UBQLN1: variants seen among roughly 807,000 people sequenced by gnomAD.
UBQLN1 encodes ubiquilin-1.
UBQLN1 carries 13 observed loss-of-function variants against 65.4 expected under a neutral mutation model. That is an observed-to-expected ratio of 0.20 (90% CI 0.13 to 0.32). The LOEUF is 0.32. UBQLN1 is among the 10% of genes least tolerant of loss of function. UBQLN1 has a pLI of 1.00. For synonymous variants in UBQLN1, 267 were observed against 247.8 expected, an observed-to-expected ratio of 1.08 and a Z score of -0.73; for missense variants, 561 against 724.0, an observed-to-expected ratio of 0.77 and a Z score of 2.58.
intron 1 of UBQLN1, among the ~76,000 whole-genome samples, chr9:83,695,201 CT>C (rs36072668): frequency 0.32 from 42,054 of 133,084 alleles, 5,672 homozygotes; most frequent in Middle Eastern, 0.47. Flanking sequence ...GCCCTCCCAC[CT>C]TTTTTTTTTT....
At chr9:83,706,204 C>T (rs1832403138) in intron 1 of UBQLN1, among the ~76,000 whole-genome samples, 1 of 152,188 alleles carries the variant, frequency 6.6e-6, no homozygotes, top group Non-Finnish European at 1.5e-5. Context: ...GTGTCATCTA[C>T]TGATACGTGC....
chr9:83,694,121 A>G (rs968856611), intron 1 of UBQLN1, among the ~76,000 whole-genome samples: 1 of 152,210 alleles, frequency 6.6e-6, no homozygotes, highest in Non-Finnish European at 1.5e-5. Context: ...TTAAACAACC[A>G]TTCTCCATCT....
chr9:83,680,173 A>C, intron 3 of UBQLN1, 136 bp from the exon 4 acceptor site: 1 of 962,762 alleles, frequency 1.0e-6, no homozygotes, highest in Non-Finnish European at 1.5e-6. Flanking sequence ...AAACAAATCG[A>C]ATACCTATTA....
At position 83,680,035 on chromosome 9, in the gene UBQLN1, C is replaced by T; in HGVS notation, c.451G>A (p.Gly151Ser). The T allele has an allele frequency of 1.2e-6, 2 of 1,609,648 alleles. No homozygotes were observed. The highest frequency in any genetic ancestry group is 1.3e-5 in the African/African-American group (1 of 74,934). ...SATSNPFGLG[G>S]LGGLAGLSSL... ...CTCAGACCTGCAAGTCCCCCAAGGC[C>T]ACCTAAGAGGATAAAGGGCAAAAAC... The change falls in exon 4 of 11, where the codon GGC becomes AGC. Residue 151 changes from glycine (G) to serine (S), a missense_variant and splice_region_variant. Around this residue, in one of 8 missense-constraint regions of UBQLN1, gnomAD observed 87 missense variants for 88.8 expected, o/e 0.98. Transcript: ENST00000376395.
At chr9:83,705,259 A>G (rs991601141) in intron 1 of UBQLN1, among the ~76,000 whole-genome samples, 41 of 27,240 alleles carry the variant, frequency 1.5e-3, no homozygotes, top group Non-Finnish European at 2.4e-3. Context: ...TTTTTTTTTG[A>G]AACGGAGTTT....
chr9:83,687,652 T>TA lies in UBQLN1; in HGVS notation c.181-1498dup, dbSNP rs572193396. On this transcript the variant is annotated intron_variant, in intron 1 of 10. Transcript: ENST00000376395. ...GGGGACAAGGAAGGGAAGGCATATA[T>TA]AAAAAACATGATAAGCTATATATCA... is the stretch of plus-strand genomic sequence containing the variant. 3.6e-3 allele frequency among the ~76,000 whole-genome samples: 548 copies of TA among 152,244 alleles called. 2 individuals carry two copies. The highest frequency in any genetic ancestry group is 0.012 in the African/African-American group (502 of 41,554).
At chr9:83,674,653 C>T (rs1346556923) in intron 6 of UBQLN1, among the ~76,000 whole-genome samples, 1 of 152,142 alleles carries the variant, frequency 6.6e-6, no homozygotes, top group Non-Finnish European at 1.5e-5. Context: ...CAGTTTTTCT[C>T]AGAGTTAAGG....
rs943982656 is a variant in UBQLN1, at chr9:83,707,803, G to A, written c.-124C>T. On this transcript the variant is annotated 5_prime_UTR_variant, in exon 1 of 11. Transcript: ENST00000376395. ...GAAGAATGCAGAGCACGCCGCCTCAGTAGCAACGGGCGCAGGGCCACCGTA... is the reference window on the plus strand; with the variant it reads ...GAAGAATGCAGAGCACGCCGCCTCAATAGCAACGGGCGCAGGGCCACCGTA... The A allele has an allele frequency of 4.5e-6, 6 of 1,347,524 alleles. No individual in the cohort carries two copies. In the African/African-American group the frequency reaches 9.3e-5, roughly 21 times the overall value. 83.5% of individuals were successfully genotyped at this position (1,347,524 alleles called of 1,614,324 possible).
At chr9:83,662,273 TACACACACACACACAC>T (rs370539805) in intron 10 of UBQLN1, among the ~76,000 whole-genome samples, 40 of 143,436 alleles carry the variant, frequency 2.8e-4, no homozygotes, top group Admixed American at 6.9e-4. Context: ...CATATACATA[TACACACACACACACAC>T]ACACACACAC....
Position 83,660,145 on chromosome 9 carries a change from T to C in UBQLN1, c.*1642A>G, listed in dbSNP as rs1159288497. The C allele has an allele frequency of 2.0e-5, 3 of 152,528 alleles. No homozygotes were observed. Among genetic ancestry groups the C allele is most frequent in the Admixed American group, 1.3e-4 (2 of 15,286 alleles). The allele number at this position is 152,528 out of a possible 1,614,324, so 9.4% of individuals were successfully genotyped here. A position where few individuals can be genotyped will look rare whatever the true frequency, so the allele number is the denominator to read the frequency against. On this transcript the variant is annotated 3_prime_UTR_variant, in exon 11 of 11. Coordinates refer to ENST00000376395, the MANE Select transcript of UBQLN1 (RefSeq NM_013438.5). Reference sequence around the variant, plus strand: ...CCTTCTTAACAATCTCTTCTACTTATGCCTCCACCGTAACCTTTGTACTTG... The same window carrying C: ...CCTTCTTAACAATCTCTTCTACTTACGCCTCCACCGTAACCTTTGTACTTG...
In UBQLN1 at chr9:83,660,881, GA is replaced by G. The variant is rs1360000805; in HGVS notation, c.*905del. On this transcript the variant is annotated 3_prime_UTR_variant, in exon 11 of 11. Coordinates refer to ENST00000376395, the MANE Select transcript of UBQLN1 (RefSeq NM_013438.5). The stretch of plus-strand genomic sequence containing the variant: ...TGAAACATCAAGACACTTTTTCAGT[GA>G]AAGCAACATTTCAATTACAAATTTT... The G allele has an allele frequency of 6.6e-6, 1 of 152,524 alleles. No individual in the cohort carries two copies. The highest frequency in any genetic ancestry group is 1.5e-5 in the Non-Finnish European group (1 of 68,024). 9.4% of individuals were successfully genotyped at this position (152,524 alleles called of 1,614,324 possible). A position where few individuals can be genotyped will look rare whatever the true frequency, so the allele number is the denominator to read the frequency against.
At chr9:83,686,765 C>A (rs567497977) in intron 1 of UBQLN1, among the ~76,000 whole-genome samples, 2 of 152,162 alleles carry the variant, frequency 1.3e-5, no homozygotes, top group Admixed American at 6.5e-5. Context: ...AATGCAAATA[C>A]CCCAAATATG....
intron 9 of UBQLN1, 84 bp downstream of exon 9, chr9:83,664,946 A>AAT: frequency 5.7e-6 from 4 of 697,790 alleles, no homozygotes; most frequent in Non-Finnish European, 8.8e-6. Flanking sequence ...AAAAAAAAAA[A>AAT]GGCAGGCAGA....
At chr9:83,699,706 G>T (rs919527615) in intron 1 of UBQLN1, among the ~76,000 whole-genome samples, 10 of 152,154 alleles carry the variant, frequency 6.6e-5, no homozygotes, top group African/African-American at 2.2e-4. Context: ...GTGTTTTGAT[G>T]AACAAGATAT....
At chr9:83,690,594 CGTG>C (rs1564169853) in intron 1 of UBQLN1, among the ~76,000 whole-genome samples, 1 of 152,014 alleles carries the variant, frequency 6.6e-6, no homozygotes, top group East Asian at 1.9e-4. Context: ...AGGGGCTGGG[CGTG>C]GTGGTTCATG....
At chr9:83,700,962 A>G (rs1449711281) in intron 1 of UBQLN1, among the ~76,000 whole-genome samples, 1 of 152,238 alleles carries the variant, frequency 6.6e-6, no homozygotes, top group Non-Finnish European at 1.5e-5. Flanking sequence ...GGAGAGTTAT[A>G]GAAGTCAGGC....
At chr9:83,703,600 A>T (rs1832347795) in intron 1 of UBQLN1, among the ~76,000 whole-genome samples, 1 of 152,202 alleles carries the variant, frequency 6.6e-6, no homozygotes, top group African/African-American at 2.4e-5. Context: ...CAAAACCTGT[A>T]TTACAAAAAT....
In UBQLN1 at chr9:83,669,312, G is replaced by C; in HGVS notation, c.1121C>G (p.Thr374Arg). ...VPGVGASMFN[T>R]PGMQSLLQQI... ...TTGCAACAAGCTCTGCATTCCTGGT[G>C]TGTTGAACATACTAGCTGAAAGTTT... The change falls in exon 7 of 11, where the codon ACA (threonine) becomes AGA (arginine). Residue 374 changes from threonine to arginine, a missense_variant. Coordinates refer to ENST00000376395, the MANE Select transcript of UBQLN1 (RefSeq NM_013438.5). The C allele has an allele frequency of 2.5e-6, 4 of 1,601,808 alleles. No individual in the cohort carries two copies. Among genetic ancestry groups the C allele is most frequent in the Non-Finnish European group, 3.4e-6 (4 of 1,177,576 alleles).
rs1831563314 is a variant in UBQLN1 at position 83,661,695 on chromosome 9, TC to T, written c.*91del. ...GGGTTTGTTTATAACAGCACAGAAT[TC>T]CAAGAGTCAAAATGAAATAAAGCAG... On this transcript the variant is annotated 3_prime_UTR_variant, in exon 11 of 11. Transcript: ENST00000376395. 5.0e-6 allele frequency: 7 copies of T among 1,392,336 alleles called. No individual in the cohort carries two copies. The African/African-American group carries it at 7.2e-5, about 14-fold the overall frequency. 86.2% of individuals were successfully genotyped at this position (1,392,336 alleles called of 1,614,324 possible). A position where few individuals can be genotyped will look rare whatever the true frequency, so the allele number is the denominator to read the frequency against.
Sources: gnomAD v4.1 joint callset for allele counts (sites outside exome capture counted in the v4.1 genomes callset) on GRCh38, gnomAD v4.1.1 for gene constraint, gnomAD v4.1.1 regional missense constraint, MANE v1.5 for transcripts, NCBI Gene and HGNC (gene_info 2026-07-23, HGNC 2026-07-21) for gene names.